The following DIAPH3 variants were observed in gnomAD, a reference collection of about 807,000 sequenced individuals.
The protein encoded by DIAPH3 is diaphanous related formin 3.
Under a neutral mutation model 144.3 loss-of-function variants are expected in DIAPH3, and 117 were observed. That is an observed-to-expected ratio of 0.81 (90% confidence interval 0.70 to 0.95). The LOEUF (loss-of-function observed/expected upper bound fraction) is 0.95, where lower values mean the gene tolerates loss of function less well. Ranked by LOEUF, DIAPH3 falls within the 40% of genes least tolerant of loss-of-function variation. The pLI is 0.00. For synonymous variants in DIAPH3, 519 were observed against 488.9 expected (o/e 1.06, Z -0.81); for missense variants, 1,421 against 1,412.7 (o/e 1.01, Z -0.09).
chr13:59,821,963 T>A (rs1052237644), intron 24 of DIAPH3, among the ~76,000 whole-genome samples: 19 of 152,216 alleles, frequency 1.2e-4, no homozygotes, highest in Admixed American at 2.6e-4. Flanking sequence ...CTATTTCAGC[T>A]TAAGTTGCTA....
At chr13:59,991,866 ATT>A (rs962293046) in intron 11 of DIAPH3, among the ~76,000 whole-genome samples, 200 bp downstream of exon 11, 1 of 152,028 alleles carries the variant, frequency 6.6e-6, no homozygotes, top group African/African-American at 2.4e-5. Flanking sequence ...TACAGAATCC[ATT>A]TGTTAGTTGC....
intron 27 of DIAPH3, among the ~76,000 whole-genome samples, chr13:59,742,138 A>G (rs2036487530): frequency 6.6e-6 from 1 of 152,144 alleles, no homozygotes; most frequent in Non-Finnish European, 1.5e-5. Flanking sequence ...CTTATTCACT[A>G]TCATGAAAAC....
At chr13:59,859,905 G>C (rs2043481715) in intron 22 of DIAPH3, among the ~76,000 whole-genome samples, 1 of 151,970 alleles carries the variant, frequency 6.6e-6, no homozygotes, top group South Asian at 2.1e-4. Context: ...TATATATATG[G>C]GAAGATTCTT....
chr13:59,893,633 A>AG (rs1366199073), intron 20 of DIAPH3, among the ~76,000 whole-genome samples: 1 of 152,028 alleles, frequency 6.6e-6, no homozygotes, highest in Non-Finnish European at 1.5e-5. Flanking sequence ...GTGGTCTTCT[A>AG]GGGAGGCAGG....
intron 19 of DIAPH3, among the ~76,000 whole-genome samples, chr13:59,912,929 CA>C (rs1432031297): frequency 2.7e-5 from 4 of 149,824 alleles, no homozygotes; most frequent in Admixed American, 6.6e-5. Context: ...AAAAACAAAA[CA>C]AAAAAAAAGT....
intron 17 of DIAPH3, among the ~76,000 whole-genome samples, chr13:59,931,062 G>A (rs2140330627): frequency 6.6e-6 from 1 of 152,200 alleles, no homozygotes; most frequent in East Asian, 1.9e-4. Context: ...ACATATACGT[G>A]CCTACCTCCA....
intron 25 of DIAPH3, among the ~76,000 whole-genome samples, chr13:59,778,528 A>G (rs142034534): frequency 6.6e-6 from 1 of 152,264 alleles, no homozygotes; most frequent in South Asian, 2.1e-4. Flanking sequence ...ATGCATGAGA[A>G]TAAAGCTCAT....
chr13:60,109,369 C>T (rs776648883), intron 3 of DIAPH3, among the ~76,000 whole-genome samples: 8 of 152,158 alleles, frequency 5.3e-5, no homozygotes, highest in Non-Finnish European at 8.8e-5. Flanking sequence ...TAATACAACA[C>T]TCTAGGAAAC....
Position 60,089,019 on chromosome 13 carries a change from C to A in DIAPH3, c.495+4609G>T, listed in dbSNP as rs117035128. On this transcript the variant is annotated intron_variant, in intron 4 of 27. Transcript: ENST00000400324. The stretch of plus-strand genomic sequence containing the variant: ...AGATCAATAAGAATCCTTTTTAACA[C>A]ATACTTTAATTGTATATAAATTAAT... Among the ~76,000 whole-genome samples, 1,219 of 152,318 alleles carry A rather than the reference C, an allele frequency of 8.0e-3. 7 individuals are homozygous for A. Among genetic ancestry groups the A allele is most frequent in the Non-Finnish European group, 0.011 (737 of 68,018 alleles).
chr13:59,812,278 AT>A (rs1217243233), intron 24 of DIAPH3, among the ~76,000 whole-genome samples: 2 of 151,506 alleles, frequency 1.3e-5, no homozygotes, highest in Non-Finnish European at 2.9e-5. Flanking sequence ...CCATCCATCC[AT>A]CCATCCATCC....
At chr13:59,980,548 T>G (rs1281711078) in intron 14 of DIAPH3, among the ~76,000 whole-genome samples, 1 of 151,606 alleles carries the variant, frequency 6.6e-6, no homozygotes, top group Non-Finnish European at 1.5e-5. Context: ...ACATAAACTA[T>G]GTAGCATGTG....
At chr13:59,884,487 C>T (rs1189176149) in intron 20 of DIAPH3, among the ~76,000 whole-genome samples, 1 of 152,128 alleles carries the variant, frequency 6.6e-6, no homozygotes, top group Non-Finnish European at 1.5e-5. Flanking sequence ...CTCCACACTA[C>T]ACTCTCCACT....
At chr13:59,793,617 G>T (rs1485242583) in intron 25 of DIAPH3, among the ~76,000 whole-genome samples, 1 of 152,054 alleles carries the variant, frequency 6.6e-6, no homozygotes, top group Non-Finnish European at 1.5e-5. Context: ...TGACTCCCTT[G>T]TCAAGGTCCT....
chr13:59,914,904 G>C (rs1002879893), intron 19 of DIAPH3, among the ~76,000 whole-genome samples: 1 of 152,096 alleles, frequency 6.6e-6, no homozygotes, highest in Non-Finnish European at 1.5e-5. Flanking sequence ...ATAAGTTCTT[G>C]GTGAATGGGT....
At chr13:59,726,547 T>G (rs2035610028) in intron 27 of DIAPH3, among the ~76,000 whole-genome samples, 1 of 152,164 alleles carries the variant, frequency 6.6e-6, no homozygotes, top group Non-Finnish European at 1.5e-5. Flanking sequence ...AGCACCCTGG[T>G]CCAGTTAACC....
At chr13:59,907,308 G>A (rs576739545) in intron 20 of DIAPH3, among the ~76,000 whole-genome samples, 16 of 152,170 alleles carry the variant, frequency 1.1e-4, no homozygotes, top group Non-Finnish European at 1.8e-4. Context: ...AACAAAAACA[G>A]CATGTAAATG....
At chr13:60,120,722 G>A (rs1021890001) in intron 2 of DIAPH3, among the ~76,000 whole-genome samples, 10 of 152,142 alleles carry the variant, frequency 6.6e-5, no homozygotes, top group Admixed American at 2.0e-4. Context: ...GGGAAGAACC[G>A]AGGCCTCCCC....
At chr13:60,160,129 C>T (rs1952222780) in intron 1 of DIAPH3, among the ~76,000 whole-genome samples, 1 of 152,052 alleles carries the variant, frequency 6.6e-6, no homozygotes, top group Admixed American at 6.6e-5. Context: ...GAGGCTGAGG[C>T]AGGAGAATGG....
Position 59,971,088 on chromosome 13 carries a change from G to C in DIAPH3, c.1723C>G (p.Leu575Val). ...GAAGGCAGTGGAGGCGGAGGAGGAA[G>C]TGCTGAGTGGCCAGTTCCACCTTCT... ...SKEGGTGHSA[L>V]PPPPPLPSGG... is the part of the protein sequence containing the mutation. Residue 575 changes from leucine (L) to valine (V), a missense_variant, in exon 16 of 28, where the codon CTT becomes GTT. Physicochemically the swap from Leu to Val is conservative, Grantham distance 32 (BLOSUM62 1). Coordinates refer to ENST00000400324, the MANE Select transcript of DIAPH3 (RefSeq NM_001042517.2). 6.2e-7 allele frequency: 1 copy of C among 1,612,844 alleles called. No homozygotes were observed. The highest frequency in any genetic ancestry group is 8.5e-7 in the Non-Finnish European group (1 of 1,179,432).
Sources: gnomAD v4.1 joint callset for allele counts (sites outside exome capture counted in the v4.1 genomes callset) on GRCh38, gnomAD v4.1.1 for gene constraint, MANE v1.5 for transcripts, NCBI Gene and HGNC (gene_info 2026-07-23, HGNC 2026-07-21) for gene names.